GLS: variants seen among roughly 807,000 people sequenced by gnomAD.
The protein encoded by GLS is glutaminase.
GLS carries 36 observed loss-of-function variants against 86.7 expected under a neutral mutation model. The ratio of observed to expected loss-of-function variants is 0.42; its 90% CI spans 0.32 to 0.55. The LOEUF (loss-of-function observed/expected upper bound fraction) is 0.55, where lower values mean the gene tolerates loss of function less well. Among genes scored for constraint, GLS ranks in the 20% least tolerant of loss-of-function variants. The probability of loss-of-function intolerance (pLI) is 0.17; values close to 1 mark genes in which losing one functional copy is unlikely to be tolerated. For missense variants in GLS, 528 were observed against 833.4 expected (o/e 0.63, Z 4.51); for synonymous variants, 317 against 305.9 (o/e 1.04, Z -0.38).
At position 190,928,116 on chromosome 2, in the gene GLS, C is replaced by G. The variant is rs1689959993; in HGVS notation, c.1425+634C>G. Among the ~76,000 whole-genome samples, 4 of 151,966 alleles carry G rather than the reference C, an allele frequency of 2.6e-5. No individual in the cohort carries two copies. In the South Asian group the frequency reaches 8.3e-4, roughly 31 times the overall value. On this transcript the variant is annotated intron_variant, in intron 12 of 17. Coordinates refer to ENST00000320717, the MANE Select transcript of GLS (RefSeq NM_014905.5). ...TATGAATACATTACTAATCTTGTTTCATCTGTATGTGCATCTGTTTCCCCT... is the reference window on the plus strand; with the variant it reads ...TATGAATACATTACTAATCTTGTTTGATCTGTATGTGCATCTGTTTCCCCT...
chr2:190,920,777 G>A lies in GLS; in HGVS notation c.1039-247G>A, dbSNP rs1489778381. Among the ~76,000 whole-genome samples, 2 of 151,478 alleles carry A rather than the reference G, an allele frequency of 1.3e-5. No individual in the cohort carries two copies. The highest frequency in any genetic ancestry group is 1.9e-4 in the East Asian group (1 of 5,184). The stretch of plus-strand genomic sequence containing the variant: ...CTTGTATTTAAAATTCTGTAACTTT[G>A]GGTTGGGTAAAGATATACTTAAAAT... On this transcript the variant is annotated intron_variant, in intron 7 of 17. Coordinates refer to ENST00000320717, the MANE Select transcript of GLS (RefSeq NM_014905.5). The surrounding 1 kb of genome is among the most constrained non-coding windows in gnomAD (Gnocchi z 4.2).
At chr2:190,932,018 A>G (rs1312571991) in intron 14 of GLS, among the ~76,000 whole-genome samples, 3 of 152,044 alleles carry the variant, frequency 2.0e-5, no homozygotes, top group Non-Finnish European at 2.9e-5. Context: ...GCATCGTTTT[A>G]ATATTTGTTC....
intron 17 of GLS, among the ~76,000 whole-genome samples, chr2:190,958,850 A>G (rs1457126132): frequency 6.6e-6 from 1 of 152,098 alleles, no homozygotes; most frequent in Non-Finnish European, 1.5e-5. Context: ...TGGTTGGCCA[A>G]TTTTAGAATA....
chr2:190,934,631 C>G (rs772070305), intron 14 of GLS: 2 of 984,086 alleles, frequency 2.0e-6, no homozygotes, highest in Non-Finnish European at 2.4e-6. Context: ...TAAATTGTTA[C>G]ATTTTACCAT....
intron 14 of GLS, among the ~76,000 whole-genome samples, chr2:190,948,319 T>C (rs1384486761): frequency 6.6e-6 from 1 of 152,226 alleles, no homozygotes; most frequent in Non-Finnish European, 1.5e-5. Context: ...AAAGCCTTTG[T>C]ACATTAAAGT....
chr2:190,892,126 G>A (rs901555063), intron 1 of GLS, among the ~76,000 whole-genome samples: 8 of 152,144 alleles, frequency 5.3e-5, no homozygotes, highest in African/African-American at 1.9e-4. Context: ...CTAACATGAT[G>A]TCATACATGG....
intron 14 of GLS, chr2:190,933,577 T>C: frequency 1.0e-6 from 1 of 952,870 alleles, no homozygotes; most frequent in Non-Finnish European, 1.2e-6. Context: ...GAATTTCAGA[T>C]GTGAGATAAT....
chr2:190,932,394 C>G (rs995343336), intron 14 of GLS, among the ~76,000 whole-genome samples: 4 of 151,744 alleles, frequency 2.6e-5, no homozygotes. Context: ...GTAAAATTAC[C>G]TAATTAGACC....
At chr2:190,946,603 G>A (rs972683788) in intron 14 of GLS, among the ~76,000 whole-genome samples, 3 of 150,138 alleles carry the variant, frequency 2.0e-5, no homozygotes, top group African/African-American at 7.3e-5. Context: ...TGGTTTGGCA[G>A]TTGGTAATGG....
At chr2:190,901,265 A>G (rs566788082) in intron 4 of GLS, among the ~76,000 whole-genome samples, 2 of 152,206 alleles carry the variant, frequency 1.3e-5, no homozygotes, top group South Asian at 4.1e-4. Context: ...CTATTAACAC[A>G]TTTTGTATAT....
At chr2:190,890,572 A>G (rs536645927) in intron 1 of GLS, among the ~76,000 whole-genome samples, 9 of 152,190 alleles carry the variant, frequency 5.9e-5, no homozygotes, top group South Asian at 4.1e-4. Flanking sequence ...CTCATATGCT[A>G]TTTTACTATA....
Position 190,913,674 on chromosome 2 carries a change from ATAACT to A in GLS, c.1038+3357_1038+3361del, listed in dbSNP as rs1450488182. The A allele has an allele frequency of 7.2e-6, 7 of 975,760 alleles. No homozygotes were observed. The highest frequency in any genetic ancestry group is 7.3e-6 in the Non-Finnish European group (6 of 821,306). The allele number at this position is 975,760 out of a possible 1,614,324, so 60.4% of individuals were successfully genotyped here. On this transcript the variant is annotated intron_variant, in intron 7 of 17. Coordinates refer to ENST00000320717, the MANE Select transcript of GLS (RefSeq NM_014905.5). This position sits in a 1 kb window ranked among gnomAD's most constrained non-coding sequence, Gnocchi z 6.1. ...TTAGTTTAAAAGTTAAGATCTGGTGATAACTTAAGGGTTAGGATAGGAAAATGAGG... is the reference window on the plus strand; with the variant it reads ...TTAGTTTAAAAGTTAAGATCTGGTGATAAGGGTTAGGATAGGAAAATGAGG...
intron 7 of GLS, among the ~76,000 whole-genome samples, chr2:190,917,656 A>G (rs1689583141): frequency 6.6e-6 from 1 of 152,112 alleles, no homozygotes; most frequent in African/African-American, 2.4e-5. Context: ...AGTTGAAGTT[A>G]CTCCTTGATC....
intron 1 of GLS, among the ~76,000 whole-genome samples, chr2:190,888,555 C>G (rs1342997318): frequency 6.6e-6 from 1 of 152,178 alleles, no homozygotes; most frequent in African/African-American, 2.4e-5. Context: ...TTGGGGTTCT[C>G]TAGTCACTAC....
chr2:190,933,184 A>G (rs1364952273), intron 14 of GLS: 2 of 849,154 alleles, frequency 2.4e-6, no homozygotes, highest in Admixed American at 6.2e-5. Flanking sequence ...ATAGTAACAG[A>G]AAATTGTAAT....
At chr2:190,906,013 G>A (rs753287039) in intron 6 of GLS, among the ~76,000 whole-genome samples, 7 of 151,938 alleles carry the variant, frequency 4.6e-5, no homozygotes, top group Non-Finnish European at 8.8e-5. Context: ...GTAAGATGAA[G>A]TCATAAGACT....
chr2:190,958,725 A>G (rs529862517), intron 17 of GLS, among the ~76,000 whole-genome samples: 2 of 152,234 alleles, frequency 1.3e-5, no homozygotes, highest in East Asian at 3.9e-4. Context: ...GCAGTTGTAC[A>G]GTTTTGAGTG....
At position 190,923,968 on chromosome 2, in the gene GLS, C is replaced by A; in HGVS notation, c.1182C>A (p.Tyr394Ter). 1.3e-6 allele frequency: 2 copies of A among 1,490,178 alleles called. No individual in the cohort carries two copies. Among genetic ancestry groups the A allele is most frequent in the Non-Finnish European group, 1.9e-6 (2 of 1,080,858 alleles). 92.3% of individuals were successfully genotyped at this position (1,490,178 alleles called of 1,614,324 possible). A position where few individuals can be genotyped will look rare whatever the true frequency, so the allele number is the denominator to read the frequency against. The change falls in exon 10 of 18, where the codon TAC (tyrosine) becomes TAA (stop). Residue 394 changes from tyrosine to a stop codon, truncating the protein, a stop_gained. Transcript: ENST00000320717. LOFTEE classifies it high-confidence loss of function. The part of the protein sequence containing the change: ...SGDRNFAIGY[Y>*]LKEKKCFPEG... ...ATCGAAATTTTGCAATAGGATATTA[C>A]TTAAAAGAAAAGAAGGTTTTTAAAT...
chr2:190,887,152 G>A (rs1390983029), intron 1 of GLS, among the ~76,000 whole-genome samples: 1 of 152,190 alleles, frequency 6.6e-6, no homozygotes, highest in Non-Finnish European at 1.5e-5. Context: ...AGAAAGGTGA[G>A]TAAACAGATG....
Sources: allele counts gnomAD v4.1 joint callset (sites outside exome capture counted in the v4.1 genomes callset), GRCh38; gene constraint gnomAD v4.1.1; non-coding constraint Gnocchi (gnomAD v3.1); transcripts MANE v1.5; gene names NCBI Gene and HGNC (gene_info 2026-07-23, HGNC 2026-07-21).